ABI3BP: variants seen among roughly 807,000 people sequenced by gnomAD.
ABI3BP encodes the protein ABI family member 3 binding protein.
A neutral mutation model predicts 268.6 loss-of-function variants in ABI3BP; 216 were observed. The ratio of observed to expected loss-of-function variants is 0.80; its 90% CI spans 0.72 to 0.90. The LOEUF (loss-of-function observed/expected upper bound fraction) is 0.90, where lower values mean the gene tolerates loss of function less well. Ranked by LOEUF, ABI3BP falls within the 40% of genes least tolerant of loss-of-function variation. ABI3BP has a pLI of 0.00. For missense variants in ABI3BP, 2,090 were observed against 2,182.4 expected, an observed-to-expected ratio of 0.96 and a Z score of 0.84; for synonymous variants, 730 against 730.0, an observed-to-expected ratio of 1.00 and a Z score of 0.00.
At chr3:100,849,364 C>T (rs2098812979) in intron 17 of ABI3BP, among the ~76,000 whole-genome samples, 1 of 151,816 alleles carries the variant, frequency 6.6e-6, no homozygotes, top group African/African-American at 2.4e-5. Context: ...GCTGGGACTA[C>T]AGGCATGTAC....
Position 100,850,105 on chromosome 3 carries a change from G to T in ABI3BP, c.1441C>A (p.Pro481Thr). 6.2e-7 allele frequency: 1 copy of T among 1,609,222 alleles called. No individual in the cohort carries two copies. The highest frequency in any genetic ancestry group is 8.5e-7 in the Non-Finnish European group (1 of 1,177,756). Residue 481 changes from proline to threonine, a missense_variant, in exon 17 of 68, where the codon CCA (proline) becomes ACA (threonine). Pro to Thr is a conservative substitution (Grantham distance 38, BLOSUM62 -1). Transcript: ENST00000471714. ...PRATLAPSET[P>T]FVPQKLEIFT... Reference sequence around the variant, plus strand: ...ATTTCCAGTTTTTGAGGAACAAATGGTGTTTCACTTGGAGCTGAAAGCACA... The same window carrying T: ...ATTTCCAGTTTTTGAGGAACAAATGTTGTTTCACTTGGAGCTGAAAGCACA...
intron 62 of ABI3BP, among the ~76,000 whole-genome samples, chr3:100,767,007 G>C (rs2096301070): frequency 6.6e-6 from 1 of 152,100 alleles, no homozygotes; most frequent in African/African-American, 2.4e-5. Context: ...TTCATATTTG[G>C]GGGAGGATTT....
chr3:100,838,727 TA>T (rs1339484044), intron 24 of ABI3BP, among the ~76,000 whole-genome samples: 3 of 152,184 alleles, frequency 2.0e-5, no homozygotes, highest in Non-Finnish European at 2.9e-5. Flanking sequence ...TTTTCCTATA[TA>T]AATAATTTCA....
intron 1 of ABI3BP, among the ~76,000 whole-genome samples, chr3:100,983,208 C>T (rs1176281588): frequency 6.6e-6 from 1 of 152,168 alleles, no homozygotes; most frequent in Non-Finnish European, 1.5e-5. Context: ...AGGTTTCATT[C>T]ACCACTACTC....
At chr3:100,814,547 C>G (rs2097957904) in intron 44 of ABI3BP, among the ~76,000 whole-genome samples, 1 of 152,050 alleles carries the variant, frequency 6.6e-6, no homozygotes, top group South Asian at 2.1e-4. Context: ...TTTTACTACT[C>G]AATTAAACAA....
At chr3:100,934,334 A>G (rs2065038864) in intron 1 of ABI3BP, among the ~76,000 whole-genome samples, 1 of 152,078 alleles carries the variant, frequency 6.6e-6, no homozygotes, top group South Asian at 2.1e-4. Flanking sequence ...ATGGCTGCAT[A>G]GTATTCCATG....
Position 100,821,053 on chromosome 3 carries a change from CCTTGT to C in ABI3BP, c.2943_2947del (p.Gln982SerfsTer2), listed in dbSNP as rs1356703234. On this transcript the variant is annotated frameshift_variant and splice_region_variant, in exon 39 of 68. Transcript: ENST00000471714. LOFTEE classifies it high-confidence loss of function. ...TAATGAGGATTGCAACGTGCTATTA[CCTTGT>C]GTTGTCACCCAAGTCTCAGTTCTGA... The C allele has an allele frequency of 1.3e-6, 2 of 1,535,180 alleles. No individual in the cohort carries two copies. The highest frequency in any genetic ancestry group is 2.7e-5 in the African/African-American group (2 of 73,008).
chr3:100,885,170 G>A (rs2041338940), intron 6 of ABI3BP, among the ~76,000 whole-genome samples: 1 of 152,016 alleles, frequency 6.6e-6, no homozygotes, highest in South Asian at 2.1e-4. Flanking sequence ...ATAGAAAATA[G>A]AAAGGAAAGG....
At chr3:100,897,400 A>AT (rs2048210548) in intron 4 of ABI3BP, among the ~76,000 whole-genome samples, 1 of 149,216 alleles carries the variant, frequency 6.7e-6, no homozygotes, top group African/African-American at 2.4e-5. Context: ...ATTCATATAC[A>AT]TAAAAAAAAA....
intron 9 of ABI3BP, among the ~76,000 whole-genome samples, chr3:100,870,634 T>C (rs762689152): frequency 2.6e-5 from 4 of 152,204 alleles, no homozygotes; most frequent in Non-Finnish European, 5.9e-5. Flanking sequence ...GAAAATGGTA[T>C]GGAGTTTCCT....
At chr3:100,898,006 G>A (rs2048505341) in intron 4 of ABI3BP, among the ~76,000 whole-genome samples, 1 of 152,188 alleles carries the variant, frequency 6.6e-6, no homozygotes, top group Admixed American at 6.5e-5. Context: ...GGTTCAGCAT[G>A]TAGCACAGGG....
intron 1 of ABI3BP, among the ~76,000 whole-genome samples, chr3:100,937,612 C>T (rs1240294525): frequency 6.6e-6 from 1 of 152,070 alleles, no homozygotes; most frequent in Non-Finnish European, 1.5e-5. Flanking sequence ...GATGGAAGGT[C>T]ATTCAAGCAT....
intron 40 of ABI3BP, among the ~76,000 whole-genome samples, chr3:100,819,569 G>A (rs1370757846): frequency 1.3e-5 from 2 of 152,042 alleles, no homozygotes; most frequent in African/African-American, 4.8e-5. Flanking sequence ...GAAGATAGAA[G>A]GCACTTAATT....
At chr3:100,929,730 T>C (rs1310447935) in intron 1 of ABI3BP, among the ~76,000 whole-genome samples, 1 of 152,044 alleles carries the variant, frequency 6.6e-6, no homozygotes, top group Non-Finnish European at 1.5e-5. Flanking sequence ...CATTCTGCAA[T>C]GCATATGAGG....
At chr3:100,822,759 G>A in intron 37 of ABI3BP, 87 bp from the exon 38 acceptor site, 2 of 1,143,362 alleles carry the variant, frequency 1.7e-6, no homozygotes, top group Non-Finnish European at 2.5e-6. Context: ...TGACTCTACT[G>A]CTTGATAGAT....
intron 6 of ABI3BP, among the ~76,000 whole-genome samples, chr3:100,876,857 G>T (rs959636942): frequency 1.3e-5 from 2 of 151,958 alleles, no homozygotes; most frequent in South Asian, 4.2e-4. Flanking sequence ...GCATGGTGGT[G>T]GGCGCCTGTA....
At chr3:100,916,004 T>C (rs1008146980) in intron 2 of ABI3BP, among the ~76,000 whole-genome samples, 23 of 152,214 alleles carry the variant, frequency 1.5e-4, no homozygotes, top group Admixed American at 1.3e-4. Context: ...TGTTAGGCAT[T>C]AAAATTGTTG....
chr3:100,876,213 C>A (rs2099159867), intron 7 of ABI3BP, among the ~76,000 whole-genome samples: 2 of 152,174 alleles, frequency 1.3e-5, no homozygotes, highest in Admixed American at 6.5e-5. Context: ...TCGGGTATGA[C>A]AACTTAATCT....
intron 63 of ABI3BP, among the ~76,000 whole-genome samples, chr3:100,761,087 TCTC>T (rs2095915413): frequency 6.6e-6 from 1 of 152,092 alleles, no homozygotes; most frequent in Non-Finnish European, 1.5e-5. Flanking sequence ...GTCCATGTGT[TCTC>T]CTCATTTGGC....
Sources: gnomAD v4.1 joint callset for allele counts (sites outside exome capture counted in the v4.1 genomes callset) on GRCh38, gnomAD v4.1.1 for gene constraint, MANE v1.5 for transcripts, NCBI Gene and HGNC (gene_info 2026-07-23, HGNC 2026-07-21) for gene names.